WWOX: variants seen among roughly 807,000 people sequenced by gnomAD.
The protein encoded by WWOX is WW domain-containing oxidoreductase.
WWOX carries 69 observed loss-of-function variants against 46.2 expected under a neutral mutation model. The observed-to-expected ratio is 1.49, with a 90% confidence interval of 1.23 to 1.82. WWOX has a LOEUF of 1.82. WWOX is among the 40% of genes most tolerant of loss of function. WWOX has a pLI of 0.00. For synonymous variants in WWOX, 359 were observed against 202.6 expected, an observed-to-expected ratio of 1.77 and a Z score of -6.56; for missense variants, 919 against 542.6, an observed-to-expected ratio of 1.69 and a Z score of -6.89.
chr16:78,932,050 C>T (rs1300854677), intron 8 of WWOX, among the ~76,000 whole-genome samples: 1 of 152,222 alleles, frequency 6.6e-6, no homozygotes, highest in Non-Finnish European at 1.5e-5. Flanking sequence ...CTTTCCCAGC[C>T]ATGTGGAACT....
At chr16:78,649,648 C>A (rs2046921750) in intron 8 of WWOX, among the ~76,000 whole-genome samples, 2 of 152,228 alleles carry the variant, frequency 1.3e-5, no homozygotes. Flanking sequence ...ACTTTCCCTT[C>A]TGTCCTTTAC....
At chr16:78,545,112 A>G (rs1434085717) in intron 8 of WWOX, among the ~76,000 whole-genome samples, 1 of 152,244 alleles carries the variant, frequency 6.6e-6, no homozygotes, top group African/African-American at 2.4e-5. Context: ...TTCTCTAAGT[A>G]CATACCCACA....
At chr16:78,748,351 C>G (rs1022482813) in intron 8 of WWOX, among the ~76,000 whole-genome samples, 2 of 152,164 alleles carry the variant, frequency 1.3e-5, no homozygotes, top group African/African-American at 4.8e-5. Flanking sequence ...GGTGGAAGTG[C>G]TTCACTTTTT....
At chr16:78,517,855 A>ATTTTTT (rs11342538) in intron 8 of WWOX, among the ~76,000 whole-genome samples, 24 of 86,372 alleles carry the variant, frequency 2.8e-4, no homozygotes, top group African/African-American at 3.6e-4. Context: ...TACACAACCT[A>ATTTTTT]TTTTTTTTTT....
chr16:78,668,418 C>A (rs2142194897), intron 8 of WWOX, among the ~76,000 whole-genome samples: 1 of 152,288 alleles, frequency 6.6e-6, no homozygotes, highest in South Asian at 2.1e-4. Flanking sequence ...GTAAGGTAAC[C>A]AGGAATGACA....
chr16:78,202,644 C>T (rs979543550), intron 5 of WWOX, among the ~76,000 whole-genome samples: 5 of 152,104 alleles, frequency 3.3e-5, no homozygotes, highest in African/African-American at 7.2e-5. Flanking sequence ...AAATTTCATT[C>T]GACTGGAGTA....
At chr16:79,179,558 G>A (rs2050868481) in intron 8 of WWOX, among the ~76,000 whole-genome samples, 1 of 152,208 alleles carries the variant, frequency 6.6e-6, no homozygotes, top group Admixed American at 6.5e-5. Context: ...GCAACATTCA[G>A]AATGATGTTA....
chr16:79,137,043 C>T (rs369575627), intron 8 of WWOX, among the ~76,000 whole-genome samples: 2 of 152,082 alleles, frequency 1.3e-5, no homozygotes, highest in East Asian at 3.9e-4. Flanking sequence ...CCATAAACTG[C>T]CAAGGGTTAG....
At chr16:79,186,246 C>G (rs1261823668) in intron 8 of WWOX, among the ~76,000 whole-genome samples, 1 of 152,196 alleles carries the variant, frequency 6.6e-6, no homozygotes, top group Non-Finnish European at 1.5e-5. Context: ...CTGTAACAAA[C>G]TGCACAGCCT....
At chr16:78,357,573 G>C (rs2081323705) in intron 5 of WWOX, among the ~76,000 whole-genome samples, 1 of 152,110 alleles carries the variant, frequency 6.6e-6, no homozygotes, top group Admixed American at 6.5e-5. Context: ...AACGTGGTCT[G>C]GGACACATTT....
chr16:78,652,408 C>CAAAAAAAAAAAA lies in WWOX; in HGVS notation c.1056+219668_1056+219679dup, dbSNP rs747993811. The stretch of plus-strand genomic sequence containing the variant: ...TGGGTGACAGAGCGAGACTCCGTCT[C>CAAAAAAAAAAAA]AAAAAAAAAAAAAAAAAAAAAAAGA... On this transcript the variant is annotated intron_variant, in intron 8 of 8. Coordinates refer to ENST00000566780, the MANE Select transcript of WWOX (RefSeq NM_016373.4). 5.3e-4 allele frequency among the ~76,000 whole-genome samples: 57 copies of CAAAAAAAAAAAA among 107,262 alleles called. 1 individual carries two copies. The highest frequency in any genetic ancestry group is 1.1e-3 in the African/African-American group (23 of 21,420). 70.4% of individuals were successfully genotyped at this position (107,262 alleles called of 152,430 possible).
intron 5 of WWOX, among the ~76,000 whole-genome samples, chr16:78,345,458 C>CAA (rs71137889): frequency 2.2e-4 from 6 of 26,776 alleles, no homozygotes; most frequent in African/African-American, 5.1e-4. Context: ...CCATCGCTAC[C>CAA]AAAAAAAAAA....
chr16:79,070,268 ATGTGTGTGTGTGTG>A (rs4035490), intron 8 of WWOX, among the ~76,000 whole-genome samples: 50 of 145,096 alleles, frequency 3.4e-4, no homozygotes, highest in African/African-American at 8.2e-4. Flanking sequence ...TGTGTTTCTG[ATGTGTGTGTGTGTG>A]TGTGTGTGTG....
intron 8 of WWOX, among the ~76,000 whole-genome samples, chr16:78,980,808 A>C (rs1489188829): frequency 6.6e-6 from 1 of 152,226 alleles, no homozygotes; most frequent in Non-Finnish European, 1.5e-5. Context: ...GAAAGGAGGA[A>C]TAGATAGGGT....
At chr16:78,750,143 G>C (rs1371341352) in intron 8 of WWOX, among the ~76,000 whole-genome samples, 2 of 152,184 alleles carry the variant, frequency 1.3e-5, no homozygotes, top group African/African-American at 2.4e-5. Flanking sequence ...AAAATAGTGA[G>C]CAACACCTCG....
intron 8 of WWOX, among the ~76,000 whole-genome samples, chr16:78,609,349 A>T (rs1195026340): frequency 4.6e-5 from 7 of 151,746 alleles, no homozygotes; most frequent in Non-Finnish European, 1.0e-4. Flanking sequence ...GATGTATTTT[A>T]TTTTCTTGCT....
chr16:78,942,316 A>G (rs768609493), intron 8 of WWOX, among the ~76,000 whole-genome samples: 3 of 152,204 alleles, frequency 2.0e-5, no homozygotes, highest in African/African-American at 7.2e-5. Flanking sequence ...GTAAGGGGTT[A>G]AAAGTCATCA....
intron 8 of WWOX, among the ~76,000 whole-genome samples, chr16:79,160,731 G>A (rs775026468): frequency 1.3e-5 from 2 of 152,138 alleles, no homozygotes; most frequent in African/African-American, 2.4e-5. Context: ...GATAAAATGG[G>A]AACAGTAGTA....
chr16:78,827,970 AGAGT>A (rs2051709960), intron 8 of WWOX, among the ~76,000 whole-genome samples: 6 of 152,354 alleles, frequency 3.9e-5, no homozygotes, highest in South Asian at 4.1e-4. Context: ...GACTGGGGAC[AGAGT>A]TGCTGTTGAA....
Sources: gnomAD v4.1 joint callset for allele counts (sites outside exome capture counted in the v4.1 genomes callset) on GRCh38, gnomAD v4.1.1 for gene constraint, MANE v1.5 for transcripts, NCBI Gene and HGNC (gene_info 2026-07-23, HGNC 2026-07-21) for gene names.